Variants in PARL observed in about 807,000 individuals in gnomAD.
The protein encoded by PARL is presenilin associated rhomboid like.
A neutral mutation model predicts 51.6 loss-of-function variants in PARL; 44 were observed. The ratio of observed to expected loss-of-function variants is 0.85; its 90% CI spans 0.67 to 1.10. The LOEUF is 1.10. Among genes scored for constraint, PARL ranks in the 50% least tolerant of loss-of-function variants. The pLI is 0.00. For synonymous variants in PARL, 172 were observed against 164.0 expected (o/e 1.05, Z -0.37); for missense variants, 441 against 469.5 (o/e 0.94, Z 0.56).
chr3:183,872,604 C>G (rs1733341680), intron 1 of PARL, among the ~76,000 whole-genome samples: 1 of 152,152 alleles, frequency 6.6e-6, no homozygotes, highest in Non-Finnish European at 1.5e-5. Context: ...TGTTGAATAG[C>G]TAATCCCAAA....
chr3:183,884,584 GGA>G, intron 1 of PARL, 136 bp downstream of exon 1: 2 of 815,988 alleles, frequency 2.5e-6, no homozygotes, highest in Non-Finnish European at 3.9e-6. Flanking sequence ...AGGCGAGAGA[GGA>G]GAGAGAAGGG....
intron 1 of PARL, among the ~76,000 whole-genome samples, chr3:183,884,187 T>C (rs553712815): frequency 6.6e-6 from 1 of 152,322 alleles, no homozygotes; most frequent in East Asian, 1.9e-4. Context: ...GCAGTTTTCT[T>C]TCCAAATCAA....
At chr3:183,835,319 G>A (rs776527509) in intron 7 of PARL, among the ~76,000 whole-genome samples, 33 of 152,058 alleles carry the variant, frequency 2.2e-4, no homozygotes, top group Non-Finnish European at 3.8e-4. Context: ...TCTATGTGAC[G>A]GGTTGCTTCA....
chr3:183,842,169 CTG>C, intron 6 of PARL, 127 bp downstream of exon 6: 1 of 956,726 alleles, frequency 1.0e-6, no homozygotes, highest in Non-Finnish European at 1.7e-6. Context: ...TCTACATACA[CTG>C]TGAGAAACAA....
intron 9 of PARL, among the ~76,000 whole-genome samples, chr3:183,832,043 A>C (rs1345955234): frequency 6.6e-6 from 1 of 152,174 alleles, no homozygotes; most frequent in Non-Finnish European, 1.5e-5. Context: ...GAACCCCTTC[A>C]TGTTTCTCAT....
At chr3:183,835,437 G>C (rs1356619011) in intron 7 of PARL, among the ~76,000 whole-genome samples, 1 of 152,150 alleles carries the variant, frequency 6.6e-6, no homozygotes, top group East Asian at 1.9e-4. Context: ...CTGCCAAGTG[G>C]CCTCAACAGG....
chr3:183,879,690 C>G lies in PARL; in HGVS notation c.125+5032G>C, dbSNP rs886260981. 1.9e-5 allele frequency: 18 copies of G among 960,060 alleles called. No individual in the cohort carries two copies. The East Asian group carries it at 1.2e-3, about 61-fold the overall frequency. The allele number at this position is 960,060 out of a possible 1,614,324, so 59.5% of individuals were successfully genotyped here. ...ACATATTATATAAGGTACATTTTCT[C>G]TTTTTAATGAGCTTTCATTTTAAAT... On this transcript the variant is annotated intron_variant, in intron 1 of 9. Coordinates refer to ENST00000317096, the MANE Select transcript of PARL (RefSeq NM_018622.7).
chr3:183,846,626 G>C, intron 4 of PARL: 1 of 985,384 alleles, frequency 1.0e-6, no homozygotes, highest in Non-Finnish European at 1.2e-6. Context: ...CACTGAAACA[G>C]ACTGTAGCCA....
At chr3:183,836,217 C>CAAAAAAAAAA (rs56354792) in intron 7 of PARL, among the ~76,000 whole-genome samples, 5 of 84,258 alleles carry the variant, frequency 5.9e-5, no homozygotes, top group East Asian at 3.6e-4. Flanking sequence ...AACTCCATCT[C>CAAAAAAAAAA]AAAAAAAAAA....
chr3:183,842,314 T>C lies in PARL; in HGVS notation c.741A>G (p.Ala247=), dbSNP rs1293470401. The C allele has an allele frequency of 6.2e-7, 1 of 1,612,696 alleles. No individual in the cohort carries two copies. Among genetic ancestry groups the C allele is most frequent in the Non-Finnish European group, 8.5e-7 (1 of 1,179,860 alleles). The change falls in exon 6 of 10, where the codon GCA becomes GCG. Residue 247 remains alanine, a synonymous_variant. Transcript: ENST00000317096. ...VNILGQEQFM[A]VYLSAGVISN... ...GCATATTACCTGCAGATAGGTACAC[T>C]GCCATGAACTGCTCTTGACCCAGAA...
intron 3 of PARL, among the ~76,000 whole-genome samples, chr3:183,863,228 T>C (rs745915275): frequency 1.6e-4 from 24 of 152,188 alleles, no homozygotes; most frequent in Non-Finnish European, 3.2e-4. Flanking sequence ...AATTGCACTT[T>C]TTTAAAGATA....
intron 1 of PARL, among the ~76,000 whole-genome samples, chr3:183,878,719 T>C (rs1249046951): frequency 1.3e-5 from 2 of 152,152 alleles, no homozygotes; most frequent in Admixed American, 6.6e-5. Flanking sequence ...ATTAAAAACA[T>C]TGTAATTTAG....
At chr3:183,873,720 C>T (rs767204099) in intron 1 of PARL, among the ~76,000 whole-genome samples, 3 of 152,128 alleles carry the variant, frequency 2.0e-5, no homozygotes, top group South Asian at 2.1e-4. Flanking sequence ...AAAACTACTT[C>T]TACCTGTCAC....
chr3:183,826,688 T>C (rs1041525065), downstream of PARL: 4 of 984,998 alleles, frequency 4.1e-6, no homozygotes, highest in African/African-American at 7.0e-5. Context: ...GGCCAGGCCA[T>C]GTCCCAGCAG....
At chr3:183,878,165 G>A (rs1449481907) in intron 1 of PARL, among the ~76,000 whole-genome samples, 1 of 152,168 alleles carries the variant, frequency 6.6e-6, no homozygotes, top group African/African-American at 2.4e-5. Context: ...GAGCCTTAGT[G>A]CTGGTTGTTG....
intron 1 of PARL, among the ~76,000 whole-genome samples, chr3:183,872,759 A>G (rs939598669): frequency 6.6e-6 from 1 of 152,182 alleles, no homozygotes; most frequent in Non-Finnish European, 1.5e-5. Context: ...AGCCCCTTGG[A>G]AAGGTTTTGC....
chr3:183,875,644 C>G (rs1449274713), intron 1 of PARL, among the ~76,000 whole-genome samples: 1 of 152,170 alleles, frequency 6.6e-6, no homozygotes, highest in Non-Finnish European at 1.5e-5. Context: ...TTTAAGGAAA[C>G]AAGCTGTCTC....
intron 7 of PARL, among the ~76,000 whole-genome samples, chr3:183,834,077 C>T (rs926013216): frequency 3.3e-5 from 5 of 152,160 alleles, no homozygotes; most frequent in African/African-American, 9.7e-5. Context: ...CCTCATGAAC[C>T]GCAAGGACAG....
intron 4 of PARL, among the ~76,000 whole-genome samples, chr3:183,847,388 C>A (rs1055838159): frequency 6.6e-6 from 1 of 152,010 alleles, no homozygotes; most frequent in Non-Finnish European, 1.5e-5. Flanking sequence ...CATAGTGAGA[C>A]CTCCTCTTTA....
Sources: allele counts gnomAD v4.1 joint callset (sites outside exome capture counted in the v4.1 genomes callset), GRCh38; gene constraint gnomAD v4.1.1; transcripts MANE v1.5; gene names NCBI Gene and HGNC (gene_info 2026-07-23, HGNC 2026-07-21).